The following KLKB1 variants were observed in gnomAD, a reference collection of about 807,000 sequenced individuals.
The protein encoded by KLKB1 is plasma kallikrein.
KLKB1 carries 58 observed loss-of-function variants against 73.6 expected under a neutral mutation model. That is an observed-to-expected ratio of 0.79 (90% confidence interval 0.64 to 0.98). The LOEUF is 0.98. Ranked by LOEUF, KLKB1 falls within the 50% of genes least tolerant of loss-of-function variation. KLKB1 has a pLI of 0.00. For missense variants in KLKB1, 737 were observed against 763.8 expected (o/e 0.96, Z 0.41); for synonymous variants, 280 against 258.1 (o/e 1.08, Z -0.81).
chr4:186,250,844 A>G (rs545689508), intron 7 of KLKB1, among the ~76,000 whole-genome samples: 28 of 152,234 alleles, frequency 1.8e-4, no homozygotes, highest in Admixed American at 4.6e-4. Flanking sequence ...ATCTCAGATA[A>G]CCCACCCTCT....
chr4:186,236,647 C>T (rs1737703440), intron 4 of KLKB1, 134 bp from the exon 5 acceptor site: 1 of 734,192 alleles, frequency 1.4e-6, no homozygotes, highest in South Asian at 1.6e-5. Context: ...AATTTTAAAT[C>T]CCTTAGTTAA....
upstream of KLKB1, among the ~76,000 whole-genome samples, chr4:186,227,119 T>C (rs974964912): frequency 2.6e-5 from 4 of 152,150 alleles, no homozygotes; most frequent in Admixed American, 2.6e-4. Flanking sequence ...AGAGGGCATC[T>C]CTCTCCATAC....
chr4:186,233,651 A>G (rs1234410187), intron 3 of KLKB1, among the ~76,000 whole-genome samples: 2 of 152,242 alleles, frequency 1.3e-5, no homozygotes, highest in South Asian at 2.1e-4. Context: ...TTGCAAAAAT[A>G]ATTACCAATT....
At chr4:186,250,894 A>G in intron 7 of KLKB1, 1 of 374,584 alleles carries the variant, frequency 2.7e-6, no homozygotes, top group Non-Finnish European at 4.9e-6. Context: ...GTGTCTAGTT[A>G]TGTAATATCA....
rs4253378 is a variant in KLKB1, at chr4:186,251,710, CT to C, written c.1032-38del. On this transcript the variant is annotated intron_variant, in intron 9 of 14. Coordinates refer to ENST00000264690, the MANE Select transcript of KLKB1 (RefSeq NM_000892.5). ...TGACCATTTCATATTCTCTTTCCCC[CT>C]GTGAAGGCTTACTCTTTCTACTGTT... The C allele has an allele frequency of 4.0e-4, 645 of 1,604,462 alleles. 2 individuals carry two copies. The African/African-American group carries it at 7.5e-3, about 19-fold the overall frequency.
At position 186,252,105 on chromosome 4, in the gene KLKB1, G is replaced by A. The variant is rs147666093; in HGVS notation, c.1233G>A (p.Lys411=). 16 of 1,614,032 alleles carry A rather than the reference G, an allele frequency of 9.9e-6. No homozygotes were observed. The African/African-American group carries it at 1.2e-4, about 12-fold the overall frequency. Residue 411 remains lysine (K), a synonymous_variant, in exon 11 of 15, where the codon AAG becomes AAA. Coordinates refer to ENST00000264690, the MANE Select transcript of KLKB1 (RefSeq NM_000892.5). ...EWPWQVSLQV[K]LTAQRHLCGG... ...CCTGGCAGGTGAGCCTGCAGGTGAAGCTGACAGCTCAGAGGCACCTGTGTG... is the reference window on the plus strand; with the variant it reads ...CCTGGCAGGTGAGCCTGCAGGTGAAACTGACAGCTCAGAGGCACCTGTGTG...
At position 186,250,267 on chromosome 4, in the gene KLKB1, A is replaced by G. The variant is rs145640112; in HGVS notation, c.623A>G (p.His208Arg). The G allele has an allele frequency of 5.6e-6, 9 of 1,614,196 alleles. No homozygotes were observed. Among genetic ancestry groups the G allele is most frequent in the Non-Finnish European group, 7.6e-6 (9 of 1,180,002 alleles). The change falls in exon 7 of 15, where the codon CAT (histidine) becomes CGT (arginine). Residue 208 changes from histidine (H) to arginine (R), a missense_variant. Transcript: ENST00000264690. Reference protein sequence around the residue: ...EIGCHMNIFQHLAFSDVDVAR... With the variant: ...EIGCHMNIFQRLAFSDVDVAR... ...GGTTGCCACATGAACATCTTCCAGCATCTTGCGTTCTCAGATGTGGATGTT... is the reference window on the plus strand; with the variant it reads ...GGTTGCCACATGAACATCTTCCAGCGTCTTGCGTTCTCAGATGTGGATGTT...
At chr4:186,232,074 A>T in intron 2 of KLKB1, 53 bp from the exon 3 acceptor site, 2 of 1,441,828 alleles carry the variant, frequency 1.4e-6, no homozygotes, top group African/African-American at 1.4e-5. Flanking sequence ...ATATCTTTTT[A>T]TTAAAATTAT....
At chr4:186,245,990 C>T (rs557254145) in intron 6 of KLKB1, among the ~76,000 whole-genome samples, 22 of 151,600 alleles carry the variant, frequency 1.5e-4, no homozygotes, top group Admixed American at 1.1e-3. Context: ...AGAGCCTAAA[C>T]GCTAACTGAT....
intron 12 of KLKB1, 132 bp downstream of exon 12, chr4:186,254,895 G>C: frequency 1.3e-6 from 1 of 763,270 alleles, no homozygotes; most frequent in East Asian, 2.7e-5. Context: ...GAAACGTGAG[G>C]GTTGCTGGGA....
Position 186,257,349 on chromosome 4 carries a change from G to T in KLKB1, c.1709G>T (p.Gly570Val). ...GTCTGTGCTGGCTATAAAGAAGGGG[G>T]AAAAGATGCTTGTAAGGTAACTCAT... is the stretch of plus-strand genomic sequence containing the variant. ...RMVCAGYKEG[G>V]KDACKGDSGG... The change falls in exon 14 of 15, where the codon GGA (glycine) becomes GTA (valine). Residue 570 changes from glycine to valine, a missense_variant. Gly to Val is a moderately radical substitution (Grantham distance 109, BLOSUM62 -3). Coordinates refer to ENST00000264690, the MANE Select transcript of KLKB1 (RefSeq NM_000892.5). 1 of 1,589,556 alleles carries T rather than the reference G, an allele frequency of 6.3e-7. No individual in the cohort carries two copies. Among genetic ancestry groups the T allele is most frequent in the Non-Finnish European group, 8.6e-7 (1 of 1,167,038 alleles).
rs536955243 is a variant in KLKB1 at position 186,218,629 on chromosome 4, A to AGTGTGT, written c.201+9375_201+9380dup. 7.2e-3 allele frequency among the ~76,000 whole-genome samples: 1,038 copies of AGTGTGT among 144,444 alleles called. 15 individuals carry two copies. The highest frequency in any genetic ancestry group is 0.026 in the African/African-American group (995 of 38,384). The allele number at this position is 144,444 out of a possible 152,430, so 94.8% of individuals were successfully genotyped here. A position where few individuals can be genotyped will look rare whatever the true frequency, so the allele number is the denominator to read the frequency against. On this transcript the variant is annotated intron_variant, in intron 2 of 14. Coordinates refer to the KLKB1 transcript ENST00000511608. Reference sequence around the variant, plus strand: ...AATTAACATGTCCATTATTTTACATAGTGTGTGTGTGTGTGTGTGTGTGCG... The same window carrying AGTGTGT: ...AATTAACATGTCCATTATTTTACATAGTGTGTGTGTGTGTGTGTGTGTGTGTGTGCG...
upstream of KLKB1, among the ~76,000 whole-genome samples, chr4:186,221,711 A>G (rs777538610): frequency 6.6e-6 from 1 of 152,186 alleles, no homozygotes; most frequent in Non-Finnish European, 1.5e-5. Context: ...GGCCTAACAT[A>G]TAACCTATCC....
At chr4:186,231,155 C>T (rs1737384713) in intron 2 of KLKB1, among the ~76,000 whole-genome samples, 1 of 152,052 alleles carries the variant, frequency 6.6e-6, no homozygotes, top group African/African-American at 2.4e-5. Context: ...CTGCCCACTC[C>T]CTCAAAGGCA....
At chr4:186,245,607 T>G (rs1277631590) in intron 6 of KLKB1, among the ~76,000 whole-genome samples, 4 of 152,152 alleles carry the variant, frequency 2.6e-5, no homozygotes, top group Admixed American at 2.0e-4. Flanking sequence ...GTAGGAATGC[T>G]TGACCACTGC....
chr4:186,249,264 T>C (rs997288861), intron 6 of KLKB1, among the ~76,000 whole-genome samples: 21 of 152,314 alleles, frequency 1.4e-4, no homozygotes, highest in African/African-American at 5.1e-4. Flanking sequence ...TTATGATTTG[T>C]TCTTAGAGGT....
At chr4:186,227,732 A>G (rs1475733918) in intron 1 of KLKB1, 145 bp downstream of exon 1, 1 of 161,394 alleles carries the variant, frequency 6.2e-6, no homozygotes, top group Non-Finnish European at 1.3e-5. Flanking sequence ...ATGTAGAAAT[A>G]TTTAAATGTA....
At chr4:186,252,897 A>T (rs531796675) in intron 11 of KLKB1, among the ~76,000 whole-genome samples, 88 of 152,386 alleles carry the variant, frequency 5.8e-4, no homozygotes, top group African/African-American at 1.8e-3. Flanking sequence ...ATTTCAATGT[A>T]TATAATTTGA....
chr4:186,254,812 A>G (rs1274436027), intron 12 of KLKB1, 49 bp downstream of exon 12: 2 of 1,499,224 alleles, frequency 1.3e-6, no homozygotes, highest in Non-Finnish European at 1.9e-6. Flanking sequence ...GCTGGTTGAT[A>G]TTTTCATATC....
Sources: gnomAD v4.1 joint callset for allele counts (sites outside exome capture counted in the v4.1 genomes callset) on GRCh38, gnomAD v4.1.1 for gene constraint, MANE v1.5 for transcripts, NCBI Gene and HGNC (gene_info 2026-07-23, HGNC 2026-07-21) for gene names.